The following SATL1 variants were observed in gnomAD, a reference collection of about 807,000 sequenced individuals.
SATL1 encodes spermidine/spermine N(1)-acetyltransferase-like protein 1.
SATL1 carries 47 observed loss-of-function variants against 51.8 expected under a neutral mutation model. The observed-to-expected ratio is 0.91, with a 90% CI of 0.72 to 1.16. The LOEUF is 1.16. Ranked by LOEUF, SATL1 falls within the 50% of genes most tolerant of loss-of-function variation. The pLI is 0.00. For synonymous variants in SATL1, 176 were observed against 182.4 expected, an observed-to-expected ratio of 0.97 and a Z score of 0.28; for missense variants, 520 against 526.4, an observed-to-expected ratio of 0.99 and a Z score of 0.12.
At chrX:85,222,422 A>G (rs1413230754) in intron 2 of SATL1, among the ~76,000 whole-genome samples, 1 of 112,024 alleles carries the variant, frequency 8.9e-6, no homozygotes, top group Non-Finnish European at 1.9e-5. Context: ...TCTGCACTCC[A>G]GGGAACAAAT....
At chrX:85,218,875 C>A (rs1928111684) in intron 2 of SATL1, among the ~76,000 whole-genome samples, 1 of 111,667 alleles carries the variant, frequency 9.0e-6, no homozygotes, top group African/African-American at 3.2e-5. Context: ...TTGAAAGCAG[C>A]CAGGAATTAT....
intron 2 of SATL1, among the ~76,000 whole-genome samples, chrX:85,145,927 C>T (rs187252906): frequency 0.098 from 10,017 of 102,048 alleles, 509 homozygotes; most frequent in South Asian, 0.18. Flanking sequence ...GACAGAGTCT[C>T]GCTCTGTCGC....
intron 2 of SATL1, among the ~76,000 whole-genome samples, chrX:85,163,483 A>G (rs1195773404): frequency 9.0e-6 from 1 of 111,278 alleles, no homozygotes; most frequent in Admixed American, 9.6e-5. Context: ...GTGAAGTTCA[A>G]TTAATTTTTA....
intron 3 of SATL1, among the ~76,000 whole-genome samples, 160 bp from the exon 4 acceptor site, chrX:85,104,075 C>T (rs1924969066): frequency 9.0e-6 from 1 of 111,650 alleles, no homozygotes; most frequent in Non-Finnish European, 1.9e-5. Context: ...ACAAAATCTA[C>T]AACAGTAATG....
chrX:85,129,629 A>G (rs1444761250), intron 2 of SATL1, among the ~76,000 whole-genome samples: 1 of 111,501 alleles, frequency 9.0e-6, no homozygotes. Context: ...CTAATTGAAT[A>G]TCCTTTATTT....
chrX:85,177,930 C>G (rs1315345062), intron 2 of SATL1, among the ~76,000 whole-genome samples: 1 of 111,439 alleles, frequency 9.0e-6, no homozygotes, highest in Non-Finnish European at 1.9e-5. Context: ...AAATTGGAAG[C>G]ATTCCAGAAG....
At chrX:85,193,910 A>G (rs768642297) in intron 2 of SATL1, among the ~76,000 whole-genome samples, 2 of 111,564 alleles carry the variant, frequency 1.8e-5, no homozygotes, top group Non-Finnish European at 3.8e-5. Context: ...TTCTTTATAC[A>G]ATTTGTCGTT....
chrX:85,162,342 C>A (rs1926740245), intron 2 of SATL1, among the ~76,000 whole-genome samples: 1 of 111,007 alleles, frequency 9.0e-6, no homozygotes, highest in Admixed American at 9.6e-5. Flanking sequence ...GACAAGAAAA[C>A]CATTCAAAAG....
At chrX:85,171,008 T>C (rs1413790376) in intron 2 of SATL1, among the ~76,000 whole-genome samples, 1 of 111,645 alleles carries the variant, frequency 9.0e-6, no homozygotes, top group Non-Finnish European at 1.9e-5. Context: ...GTGTGTCATA[T>C]CTGGATGATC....
chrX:85,191,095 G>A (rs977762160), intron 2 of SATL1, among the ~76,000 whole-genome samples: 1 of 107,451 alleles, frequency 9.3e-6, no homozygotes, highest in African/African-American at 3.4e-5. Context: ...TTGTGCACAA[G>A]TACCCTAGAA....
intron 4 of SATL1, among the ~76,000 whole-genome samples, chrX:85,099,498 C>A (rs1048973354): frequency 1.3e-4 from 14 of 111,580 alleles, no homozygotes; most frequent in Admixed American, 3.8e-4. Flanking sequence ...TTAAAAAATT[C>A]TCCACAAAAT....
intron 2 of SATL1, among the ~76,000 whole-genome samples, chrX:85,223,031 G>A (rs1003744540): frequency 4.5e-5 from 5 of 111,840 alleles, no homozygotes; most frequent in South Asian, 3.7e-4. Flanking sequence ...AAAGTTGTTC[G>A]AGCTGTTTTC....
chrX:85,169,233 G>T (rs972844309), intron 2 of SATL1, among the ~76,000 whole-genome samples: 4 of 111,705 alleles, frequency 3.6e-5, no homozygotes, highest in African/African-American at 1.3e-4. Context: ...TGACAAAGAT[G>T]CCAGAACCAA....
intron 2 of SATL1, among the ~76,000 whole-genome samples, chrX:85,190,792 A>G (rs897959088): frequency 9.0e-6 from 1 of 110,833 alleles, no homozygotes; most frequent in Admixed American, 9.7e-5. Context: ...TTATAACAAA[A>G]AAGGATGAGT....
chrX:85,158,156 T>C (rs1926637004), intron 2 of SATL1, among the ~76,000 whole-genome samples: 2 of 111,188 alleles, frequency 1.8e-5, no homozygotes, highest in Admixed American at 9.6e-5. Flanking sequence ...TTTTTTTTTT[T>C]ATTCAGCTAG....
chrX:85,202,356 G>A (rs1292742309), intron 2 of SATL1, among the ~76,000 whole-genome samples: 1 of 111,977 alleles, frequency 8.9e-6, no homozygotes. Context: ...TGCTCTTGGT[G>A]TCTTTGAACG....
intron 2 of SATL1, among the ~76,000 whole-genome samples, chrX:85,140,872 A>C (rs1343299287): frequency 8.9e-6 from 1 of 112,127 alleles, no homozygotes; most frequent in Admixed American, 9.5e-5. Context: ...GCTGCAAGTA[A>C]GAGAACACCC....
At chrX:85,111,937 A>G (rs895639978) in intron 2 of SATL1, among the ~76,000 whole-genome samples, 9 of 111,968 alleles carry the variant, frequency 8.0e-5, no homozygotes, top group African/African-American at 2.9e-4. Context: ...CCTGCAGCAA[A>G]TTTGTAAGGG....
intron 2 of SATL1, chrX:85,153,775 T>C (rs1328062752): frequency 1.8e-5 from 2 of 111,758 alleles, no homozygotes; most frequent in Non-Finnish European, 3.8e-5. Context: ...GGACCAAATG[T>C]GACCAACTCT....
Sources: allele counts gnomAD v4.1 joint callset (sites outside exome capture counted in the v4.1 genomes callset), GRCh38; gene constraint gnomAD v4.1.1; transcripts MANE v1.5; gene names NCBI Gene and HGNC (gene_info 2026-07-23, HGNC 2026-07-21).